The following STX1A variants were observed in gnomAD, a reference collection of about 807,000 sequenced individuals.
STX1A encodes syntaxin-1A.
STX1A carries 4 observed loss-of-function variants against 37.8 expected under a neutral mutation model. The observed-to-expected ratio is 0.11, with a 90% CI of 0.05 to 0.24. The LOEUF (loss-of-function observed/expected upper bound fraction) is 0.24. Among genes scored for constraint, STX1A ranks in the 10% least tolerant of loss-of-function variants. The pLI, the probability that STX1A is intolerant of heterozygous loss-of-function variation, is 1.00. For synonymous variants in STX1A, 135 were observed against 147.4 expected (o/e 0.92, Z 0.61); for missense variants, 251 against 399.9 (o/e 0.63, Z 3.18).
intron 1 of STX1A, among the ~76,000 whole-genome samples, chr7:73,714,254 A>C (rs1477657704): frequency 6.6e-6 from 1 of 151,114 alleles, no homozygotes; most frequent in Non-Finnish European, 1.5e-5. Flanking sequence ...GATTACAGGC[A>C]CCCGCACCAC....
chr7:73,715,853 G>T (rs1194458641), intron 1 of STX1A, among the ~76,000 whole-genome samples: 1 of 152,218 alleles, frequency 6.6e-6, no homozygotes, highest in African/African-American at 2.4e-5. Context: ...GGGTGTGCGA[G>T]AGGCCAAGCT....
At position 73,700,321 on chromosome 7, in the gene STX1A, G is replaced by GTT. The variant is rs1554615624; in HGVS notation, c.*84_*85dup. 7.3e-7 allele frequency: 1 copy of GTT among 1,373,758 alleles called. No individual in the cohort carries two copies. The highest frequency in any genetic ancestry group is 1.0e-6 in the Non-Finnish European group (1 of 968,448). 85.1% of individuals were successfully genotyped at this position (1,373,758 alleles called of 1,614,324 possible). On this transcript the variant is annotated 3_prime_UTR_variant, in exon 10 of 10. Coordinates refer to ENST00000222812, the MANE Select transcript of STX1A (RefSeq NM_004603.4). This position sits in a 1 kb window ranked among gnomAD's most constrained non-coding sequence, Gnocchi z 4.4. ...AGGGTGCTCTGAGCCAGAGGCGGGG[G>GTT]TTGGGAGGGCAGCCCAGCCAGGTGG... is the stretch of plus-strand genomic sequence containing the variant.
chr7:73,705,470 C>A lies in STX1A; in HGVS notation c.209-246G>T. 1.9e-6 allele frequency: 1 copy of A among 518,354 alleles called. No individual in the cohort carries two copies. The allele number at this position is 518,354 out of a possible 1,614,324, so 32.1% of individuals were successfully genotyped here. ...AGCCTCCCTTCCTCCTTTGCTGGCGCCCCCACCCCCTGGAGATAACAGATG... is the reference window on the plus strand; with the variant it reads ...AGCCTCCCTTCCTCCTTTGCTGGCGACCCCACCCCCTGGAGATAACAGATG... On this transcript the variant is annotated intron_variant, in intron 3 of 9. Transcript: ENST00000222812. This position sits in a 1 kb window ranked among gnomAD's most constrained non-coding sequence, Gnocchi z 5.2.
intron 1 of STX1A, among the ~76,000 whole-genome samples, chr7:73,714,740 A>T (rs775206086): frequency 3.3e-5 from 5 of 150,180 alleles, no homozygotes; most frequent in Non-Finnish European, 7.4e-5. Context: ...AGCAGTTCTC[A>T]AAGCTGGGCG....
At chr7:73,712,002 G>A (rs1359437051) in intron 1 of STX1A, among the ~76,000 whole-genome samples, 6 of 152,118 alleles carry the variant, frequency 3.9e-5, no homozygotes, top group African/African-American at 7.2e-5. Flanking sequence ...GGGCTGGGAG[G>A]AGAGATGCCC....
At chr7:73,701,383 G>C (rs577858951) in intron 8 of STX1A, among the ~76,000 whole-genome samples, 1 of 152,052 alleles carries the variant, frequency 6.6e-6, no homozygotes, top group East Asian at 1.9e-4. Context: ...TTAGCTGGGC[G>C]TGGTGGCGAG....
At chr7:73,712,839 A>G (rs112421768) in intron 1 of STX1A, among the ~76,000 whole-genome samples, 8 of 152,132 alleles carry the variant, frequency 5.3e-5, no homozygotes, top group East Asian at 1.9e-4. Flanking sequence ...AGGGACCCCA[A>G]ATTACAGCCC....
chr7:73,703,913 C>A (rs1157280219), intron 6 of STX1A, 85 bp from the exon 7 acceptor site: 1 of 1,452,112 alleles, frequency 6.9e-7, no homozygotes, highest in African/African-American at 1.4e-5. Flanking sequence ...CCGTCCCAGG[C>A]CCGGGCTCCC....
Position 73,700,602 on chromosome 7 carries a change from C to CCGTCA in STX1A, c.790-119_790-118insTGACG. On this transcript the variant is annotated intron_variant, in intron 9 of 9. Transcript: ENST00000222812. The surrounding 1 kb of genome is among the most constrained non-coding windows in gnomAD (Gnocchi z 4.4). ...GGATCCAAGCAGGGGAAGGTGACGG[C>CCGTCA]CTGGGAGGGGGCTGTCATGGGGAGC... 1 of 1,504,210 alleles carries CCGTCA rather than the reference C, an allele frequency of 6.6e-7. No individual in the cohort carries two copies. Among genetic ancestry groups the CCGTCA allele is most frequent in the Non-Finnish European group, 9.1e-7 (1 of 1,104,734 alleles). 93.2% of individuals were successfully genotyped at this position (1,504,210 alleles called of 1,614,324 possible).
At chr7:73,714,221 G>C (rs1339436216) in intron 1 of STX1A, among the ~76,000 whole-genome samples, 7 of 151,736 alleles carry the variant, frequency 4.6e-5, no homozygotes, top group South Asian at 4.1e-4. Flanking sequence ...CGATTCTCCT[G>C]CCTCAGCCTC....
chr7:73,708,008 G>A (rs1798940233), intron 3 of STX1A, among the ~76,000 whole-genome samples: 1 of 151,644 alleles, frequency 6.6e-6, no homozygotes, highest in African/African-American at 2.4e-5. Flanking sequence ...GCTCATGCCT[G>A]TAATCCCAGC....
At position 73,717,340 on chromosome 7, in the gene STX1A, T is replaced by C. The variant is rs1321066464; in HGVS notation, c.30+2262A>G. On this transcript the variant is annotated intron_variant, in intron 1 of 9. Transcript: ENST00000222812. The surrounding 1 kb of genome is among the most constrained non-coding windows in gnomAD (Gnocchi z 4.1). ...GTCCAGCCCAGTCCAGCTCAGCCAG[T>C]GCTGGCCTCTTCCTTTCTGGGGATT... Among the ~76,000 whole-genome samples, 1 of 152,080 alleles carries C rather than the reference T, an allele frequency of 6.6e-6. No homozygotes were observed. The highest frequency in any genetic ancestry group is 1.5e-5 in the Non-Finnish European group (1 of 67,994).
chr7:73,700,539 G>T lies in STX1A; in HGVS notation c.790-55C>A. 1 of 1,596,984 alleles carries T rather than the reference G, an allele frequency of 6.3e-7. No individual in the cohort carries two copies. Among genetic ancestry groups the T allele is most frequent in the East Asian group, 2.3e-5 (1 of 44,098 alleles). On this transcript the variant is annotated intron_variant, in intron 9 of 9. Transcript: ENST00000222812. This position sits in a 1 kb window ranked among gnomAD's most constrained non-coding sequence, Gnocchi z 4.4. ...AGACAGTGTTGGCGGCAGGTGGGGT[G>T]GGACTATGGCAAAGGCTGAGGACTG...
In STX1A at chr7:73,706,273, G is replaced by GGC. The variant is rs1283218114; in HGVS notation, c.209-1051_209-1050dup. Among the ~76,000 whole-genome samples the GGC allele has an allele frequency of 2.6e-5, 4 of 152,266 alleles. No individual in the cohort carries two copies. The highest frequency in any genetic ancestry group is 4.1e-4 in the South Asian group (2 of 4,826). ...TGGAGCGGGGAAGGGGGGGTTCCGAGGCGCGGAGGAGGGCGCCTCATCCGT... is the reference window on the plus strand; with the variant it reads ...TGGAGCGGGGAAGGGGGGGTTCCGAGGCGCGCGGAGGAGGGCGCCTCATCCGT... On this transcript the variant is annotated intron_variant, in intron 3 of 9. Coordinates refer to ENST00000222812, the MANE Select transcript of STX1A (RefSeq NM_004603.4). This position sits in a 1 kb window ranked among gnomAD's most constrained non-coding sequence, Gnocchi z 4.6.
intron 7 of STX1A, 34 bp from the exon 8 acceptor site, chr7:73,703,016 GCTTGCTGA>G: frequency 6.4e-7 from 1 of 1,551,676 alleles, no homozygotes; most frequent in Non-Finnish European, 8.7e-7. Context: ...GGACCCAGAG[GCTTGCTGA>G]GGGGCAGGGC....
chr7:73,716,214 G>A (rs1278891548), intron 1 of STX1A, among the ~76,000 whole-genome samples: 2 of 152,244 alleles, frequency 1.3e-5, no homozygotes, highest in African/African-American at 4.8e-5. Flanking sequence ...AGGATCGGGC[G>A]AGCCCTGTCC....
intron 3 of STX1A, among the ~76,000 whole-genome samples, chr7:73,707,274 CA>C (rs1483383295): frequency 1.3e-5 from 2 of 152,300 alleles, no homozygotes; most frequent in East Asian, 1.9e-4. Context: ...AGGACCGGGT[CA>C]GGGGGACCTG....
chr7:73,708,575 C>T lies in STX1A; in HGVS notation c.208+14G>A. 1.9e-6 allele frequency: 3 copies of T among 1,611,382 alleles called. No individual in the cohort carries two copies. Among genetic ancestry groups the T allele is most frequent in the Middle Eastern group, 1.7e-4 (1 of 6,058 alleles). ...TGTGGGGCCTGAAACCCGTCCCCCG[C>T]CCCACACACTCACTCTCATCGGGGT... On this transcript the variant is annotated intron_variant, in intron 3 of 9. Transcript: ENST00000222812.
intron 3 of STX1A, among the ~76,000 whole-genome samples, chr7:73,707,571 G>A (rs936202825): frequency 4.6e-5 from 7 of 151,972 alleles, no homozygotes; most frequent in African/African-American, 1.5e-4. Flanking sequence ...TCCTTCCCTC[G>A]CTCCCAGAAG....
Sources: gnomAD v4.1 joint callset for allele counts (sites outside exome capture counted in the v4.1 genomes callset) on GRCh38, gnomAD v4.1.1 for gene constraint, Gnocchi (gnomAD v3.1) non-coding constraint, MANE v1.5 for transcripts, NCBI Gene and HGNC (gene_info 2026-07-23, HGNC 2026-07-21) for gene names.